PDE1C: variants seen among roughly 807,000 people sequenced by gnomAD.
PDE1C encodes the protein phosphodiesterase 1C, also known as dual specificity calcium/calmodulin-dependent 3',5'-cyclic nucleotide phosphodiesterase 1C.
Under a neutral mutation model 93.1 loss-of-function variants are expected in PDE1C, and 62 were observed. That is an observed-to-expected ratio of 0.67 (90% CI 0.54 to 0.82). The LOEUF is 0.82. Ranked by LOEUF, PDE1C falls within the 40% of genes least tolerant of loss-of-function variation. PDE1C has a pLI of 0.00. For synonymous variants in PDE1C, 325 were observed against 310.1 expected, an observed-to-expected ratio of 1.05 and a Z score of -0.50; for missense variants, 742 against 884.6, an observed-to-expected ratio of 0.84 and a Z score of 2.04.
chr7:31,967,471 G>C (rs1810195175), intron 2 of PDE1C, among the ~76,000 whole-genome samples: 1 of 152,140 alleles, frequency 6.6e-6, no homozygotes, highest in African/African-American at 2.4e-5. Flanking sequence ...ATAATTAATA[G>C]CTCACCAACC....
chr7:32,337,071 C>G (rs1339960008), intron 1 of PDE1C, among the ~76,000 whole-genome samples: 2 of 152,092 alleles, frequency 1.3e-5, no homozygotes, highest in African/African-American at 4.8e-5. Flanking sequence ...TTCCTTTCCA[C>G]CCCTACTTTC....
At chr7:32,234,101 T>C (rs1807904820) in intron 1 of PDE1C, among the ~76,000 whole-genome samples, 1 of 151,874 alleles carries the variant, frequency 6.6e-6, no homozygotes, top group Non-Finnish European at 1.5e-5. Flanking sequence ...TTTTGAACTG[T>C]CTAAAAATAA....
At chr7:32,111,034 T>C (rs1295998741) in intron 3 of PDE1C, among the ~76,000 whole-genome samples, 2 of 151,694 alleles carry the variant, frequency 1.3e-5, no homozygotes, top group African/African-American at 4.8e-5. Context: ...GGGAAGAGGG[T>C]TTCACATAAA....
chr7:31,952,811 G>A (rs1373372837), intron 2 of PDE1C, among the ~76,000 whole-genome samples: 9 of 152,122 alleles, frequency 5.9e-5, no homozygotes, highest in African/African-American at 1.9e-4. Context: ...ATTTATATGA[G>A]TCATACTTCA....
intron 1 of PDE1C, among the ~76,000 whole-genome samples, chr7:32,392,654 G>A (rs904440770): frequency 2.6e-5 from 4 of 152,092 alleles, no homozygotes; most frequent in Admixed American, 6.5e-5. Context: ...ATCAATTAAT[G>A]TAGTATGCTA....
At chr7:31,651,559 G>A in the PDE1C span, among the ~76,000 whole-genome samples, 1 of 152,120 alleles carries the variant, frequency 6.6e-6, no homozygotes, top group Non-Finnish European at 1.5e-5. Context: ...GCAAATGTGG[G>A]AGTTATGAGA....
the PDE1C span, among the ~76,000 whole-genome samples, chr7:31,618,530 CCTT>C: frequency 1.3e-5 from 2 of 152,134 alleles, no homozygotes; most frequent in African/African-American, 4.8e-5. Flanking sequence ...TCCAGGGGCC[CCTT>C]CTTCTCAGAA....
intron 1 of PDE1C, among the ~76,000 whole-genome samples, chr7:32,226,525 A>G (rs895815517): frequency 1.3e-5 from 2 of 152,200 alleles, no homozygotes; most frequent in African/African-American, 2.4e-5. Flanking sequence ...CAGTAAGAAG[A>G]TGAAGCGGGC....
At chr7:31,682,797 A>G in the PDE1C span, among the ~76,000 whole-genome samples, 2 of 152,222 alleles carry the variant, frequency 1.3e-5, no homozygotes, top group Non-Finnish European at 2.9e-5. Context: ...CAGCAATAAA[A>G]AGGAATGAAC....
the PDE1C span, among the ~76,000 whole-genome samples, chr7:31,675,245 A>G: frequency 1.3e-5 from 2 of 152,158 alleles, no homozygotes; most frequent in African/African-American, 2.4e-5. Context: ...AATTCAAGGT[A>G]CATCCTTGAA....
chr7:32,082,111 A>G (rs1244876296), intron 3 of PDE1C, among the ~76,000 whole-genome samples: 2 of 152,244 alleles, frequency 1.3e-5, no homozygotes, highest in Non-Finnish European at 2.9e-5. Flanking sequence ...TTCCTAGTCA[A>G]AGAAAGGGGT....
chr7:31,969,820 T>G (rs374841009), intron 2 of PDE1C, among the ~76,000 whole-genome samples: 2 of 152,000 alleles, frequency 1.3e-5, no homozygotes, highest in African/African-American at 4.8e-5. Flanking sequence ...CCATAAGAAA[T>G]GATGAGTTCA....
intron 3 of PDE1C, among the ~76,000 whole-genome samples, chr7:32,114,983 T>C (rs753653925): frequency 1.3e-5 from 2 of 152,144 alleles, no homozygotes; most frequent in Non-Finnish European, 1.5e-5. Flanking sequence ...GGCGAGGCTA[T>C]GGAGAAATAG....
the PDE1C span, among the ~76,000 whole-genome samples, chr7:31,622,956 C>T: frequency 6.6e-6 from 1 of 152,186 alleles, no homozygotes; most frequent in Non-Finnish European, 1.5e-5. Flanking sequence ...TACAAACTAG[C>T]ATCAGAGAAT....
the PDE1C span, among the ~76,000 whole-genome samples, chr7:31,706,710 A>G: frequency 6.6e-6 from 1 of 152,234 alleles, no homozygotes; most frequent in East Asian, 1.9e-4. Flanking sequence ...AAATATTGAA[A>G]GGACAGGAAA....
rs190984201 is a variant in PDE1C at position 31,912,446 on chromosome 7, G to A, written c.129-31586C>T. Among the ~76,000 whole-genome samples, 793 of 152,240 alleles carry A rather than the reference G, an allele frequency of 5.2e-3. 13 individuals are homozygous for A. Among genetic ancestry groups the A allele is most frequent in the Admixed American group, 0.041 (627 of 15,288 alleles). ...CATGCCTATAATCCCAGTACTTTGGGAGGCCGAGACAGGTGGAATCCTTGA... is the reference window on the plus strand; with the variant it reads ...CATGCCTATAATCCCAGTACTTTGGAAGGCCGAGACAGGTGGAATCCTTGA... On this transcript the variant is annotated intron_variant, in intron 2 of 17. Transcript: ENST00000396191.
At chr7:32,305,106 T>C (rs1227329873) in intron 1 of PDE1C, among the ~76,000 whole-genome samples, 1 of 152,186 alleles carries the variant, frequency 6.6e-6, no homozygotes, top group African/African-American at 2.4e-5. Context: ...TTCTGAGAGC[T>C]AGAGTCTGGG....
chr7:32,205,725 T>C (rs1205175998), intron 2 of PDE1C, among the ~76,000 whole-genome samples: 1 of 152,142 alleles, frequency 6.6e-6, no homozygotes, highest in Non-Finnish European at 1.5e-5. Context: ...GCTGTAACAC[T>C]CATTCTGCAG....
intron 1 of PDE1C, among the ~76,000 whole-genome samples, chr7:32,315,584 T>C (rs1438667482): frequency 6.6e-6 from 1 of 152,208 alleles, no homozygotes. Flanking sequence ...TTTCTTCTTA[T>C]ATGTATCCTC....
Sources: allele counts gnomAD v4.1 joint callset (sites outside exome capture counted in the v4.1 genomes callset), GRCh38; gene constraint gnomAD v4.1.1; transcripts MANE v1.5; gene names NCBI Gene and HGNC (gene_info 2026-07-23, HGNC 2026-07-21).